The following KIF21A variants were observed in gnomAD, a reference collection of about 807,000 sequenced individuals.
KIF21A encodes the protein kinesin family member 21A.
Under a neutral mutation model 202.9 loss-of-function variants are expected in KIF21A, and 114 were observed. The observed-to-expected ratio is 0.56, with a 90% CI of 0.48 to 0.66. KIF21A has a LOEUF of 0.66. Ranked by LOEUF, KIF21A falls within the 30% of genes least tolerant of loss-of-function variation. The probability of loss-of-function intolerance (pLI) is 0.00; values close to 1 mark genes in which losing one functional copy is unlikely to be tolerated. For synonymous variants in KIF21A, 667 were observed against 670.8 expected (o/e 0.99, Z 0.09); for missense variants, 1,677 against 1,994.9 (o/e 0.84, Z 3.04).
intron 1 of KIF21A, among the ~76,000 whole-genome samples, chr12:39,438,348 C>T (rs1939103370): frequency 2.0e-5 from 3 of 152,094 alleles, no homozygotes; most frequent in African/African-American, 7.2e-5. Context: ...ATCATTAGTG[C>T]CTGCAGTTTG....
intron 1 of KIF21A, among the ~76,000 whole-genome samples, chr12:39,423,676 C>T (rs1954499483): frequency 6.6e-6 from 1 of 151,836 alleles, no homozygotes; most frequent in Non-Finnish European, 1.5e-5. Context: ...TGGAGAAACC[C>T]CGTCTCTACT....
intron 7 of KIF21A, among the ~76,000 whole-genome samples, chr12:39,360,336 C>T (rs1208220072): frequency 6.6e-6 from 1 of 151,742 alleles, no homozygotes; most frequent in East Asian, 1.9e-4. Flanking sequence ...TTATACTACA[C>T]ATCTTGAAAA....
intron 1 of KIF21A, among the ~76,000 whole-genome samples, chr12:39,379,009 T>C (rs1950438681): frequency 1.3e-5 from 2 of 151,998 alleles, no homozygotes; most frequent in Admixed American, 6.6e-5. Context: ...TATGACACAG[T>C]CCTTAGGGGC....
intron 34 of KIF21A, 139 bp from the exon 35 acceptor site, chr12:39,305,077 G>A: frequency 3.4e-6 from 2 of 595,724 alleles, no homozygotes; most frequent in Non-Finnish European, 6.1e-6. Context: ...TTAGAGATGG[G>A]ATCTTGGGCC....
chr12:39,321,537 A>G (rs1168826365), intron 27 of KIF21A: 3 of 152,248 alleles, frequency 2.0e-5, no homozygotes, highest in Non-Finnish European at 2.9e-5. Context: ...TATTCTGGTT[A>G]GCAATCTCTA....
At chr12:39,376,111 C>A (rs762026775) in intron 1 of KIF21A, among the ~76,000 whole-genome samples, 12 of 152,030 alleles carry the variant, frequency 7.9e-5, no homozygotes, top group African/African-American at 7.2e-5. Context: ...CGTTTGGATA[C>A]CTTGAGTCCC....
rs752369630 is a variant in KIF21A, at chr12:39,315,223, G to A, written c.3959+6C>T. 1.9e-6 allele frequency: 3 copies of A among 1,611,508 alleles called. No homozygotes were observed. The African/African-American group carries it at 4.0e-5, about 22-fold the overall frequency. On this transcript the variant is annotated splice_donor_region_variant and intron_variant, in intron 31 of 37. Coordinates refer to ENST00000361418, the MANE Select transcript of KIF21A (RefSeq NM_001173464.2). Reference sequence around the variant, plus strand: ...AAATTAATTTCCTCTCCCTTCCCCTGCCTACCTTCTGGAGGATCTGCTGAT... The same window carrying A: ...AAATTAATTTCCTCTCCCTTCCCCTACCTACCTTCTGGAGGATCTGCTGAT...
At chr12:39,428,969 A>C (rs1954979030) in intron 1 of KIF21A, among the ~76,000 whole-genome samples, 1 of 152,098 alleles carries the variant, frequency 6.6e-6, no homozygotes, top group African/African-American at 2.4e-5. Flanking sequence ...AAAAAAAAAA[A>C]AAAGGACTTC....
At chr12:39,409,516 AT>A (rs1952902559) in intron 1 of KIF21A, among the ~76,000 whole-genome samples, 1 of 147,358 alleles carries the variant, frequency 6.8e-6, no homozygotes, top group Non-Finnish European at 1.5e-5. Flanking sequence ...AAGTGAGACC[AT>A]GTCTCAGAAA....
Position 39,362,480 on chromosome 12 carries a change from G to A in KIF21A, c.1019+618C>T, listed in dbSNP as rs146629888. 2.6e-5 allele frequency among the ~76,000 whole-genome samples: 4 copies of A among 151,994 alleles called. No individual in the cohort carries two copies. The East Asian group carries it at 7.7e-4, about 29-fold the overall frequency. On this transcript the variant is annotated intron_variant, in intron 7 of 37. Transcript: ENST00000361418. ...CATTTGTAAAGCCAACATATTTACA[G>A]AGGGGAATACATTACCATAAAAAAA...
rs1458182449 is a variant in KIF21A at position 39,333,092 on chromosome 12, G to A, written c.2503C>T (p.Arg835Trp). Reference protein sequence around the residue: ...RKTEEVTALRRQVRPMSDKVA... With the variant: ...RKTEEVTALRWQVRPMSDKVA... ...TTATCTGACATGGGTCTTACTTGCC[G>A]ACGAAGAGCCGTAACCTGAAATTGC... is the stretch of plus-strand genomic sequence containing the variant. Residue 835 changes from arginine to tryptophan, a missense_variant, in exon 19 of 38, where the codon CGG becomes TGG. Transcript: ENST00000361418. 48 of 1,613,764 alleles carry A rather than the reference G, an allele frequency of 3.0e-5. No individual in the cohort carries two copies. Among genetic ancestry groups the A allele is most frequent in the Non-Finnish European group, 4.0e-5 (47 of 1,179,964 alleles).
intron 1 of KIF21A, among the ~76,000 whole-genome samples, chr12:39,439,765 T>C (rs545284166): frequency 6.6e-6 from 1 of 152,314 alleles, no homozygotes; most frequent in East Asian, 1.9e-4. Context: ...ACATCTCAAA[T>C]ATACTGTAAA....
chr12:39,373,744 A>G (rs1157427531), intron 1 of KIF21A, among the ~76,000 whole-genome samples: 1 of 152,216 alleles, frequency 6.6e-6, no homozygotes, highest in Non-Finnish European at 1.5e-5. Context: ...CAGATACGAT[A>G]GCCAATTTTA....
intron 1 of KIF21A, among the ~76,000 whole-genome samples, chr12:39,431,978 G>A (rs913819871): frequency 2.0e-5 from 3 of 152,206 alleles, no homozygotes; most frequent in Non-Finnish European, 4.4e-5. Flanking sequence ...CAAATAACCA[G>A]GAATGAAATC....
chr12:39,368,047 T>C lies in KIF21A; in HGVS notation c.451-15A>G, dbSNP rs1403664214. On this transcript the variant is annotated splice_polypyrimidine_tract_variant and intron_variant, in intron 3 of 37. Transcript: ENST00000361418. ...TCATTATAGAGCTATCAAAAAAATA[T>C]TAGAAATCTAATTTTAGCAGAAATT... 1.3e-6 allele frequency: 2 copies of C among 1,523,166 alleles called. No individual in the cohort carries two copies. Among genetic ancestry groups the C allele is most frequent in the African/African-American group, 1.4e-5 (1 of 73,032 alleles). 94.4% of individuals were successfully genotyped at this position (1,523,166 alleles called of 1,614,324 possible).
At chr12:39,436,411 G>A (rs1938695653) in intron 1 of KIF21A, among the ~76,000 whole-genome samples, 1 of 102,584 alleles carries the variant, frequency 9.7e-6, no homozygotes, top group Admixed American at 1.0e-4. Flanking sequence ...TAATTATAAG[G>A]GTTTACTATA....
At chr12:39,307,471 G>A in intron 34 of KIF21A, 94 bp downstream of exon 34, 1 of 1,118,930 alleles carries the variant, frequency 8.9e-7, no homozygotes, top group Non-Finnish European at 1.4e-6. Context: ...AACTTCTGGG[G>A]TCATAAAAAT....
chr12:39,317,798 CA>C (rs1294018050), intron 29 of KIF21A, among the ~76,000 whole-genome samples: 2 of 152,164 alleles, frequency 1.3e-5, no homozygotes, highest in East Asian at 3.8e-4. Flanking sequence ...AAAGATTTTT[CA>C]GTTCTAATTT....
intron 10 of KIF21A, among the ~76,000 whole-genome samples, chr12:39,354,215 T>C (rs559180130): frequency 1.3e-5 from 2 of 152,222 alleles, no homozygotes; most frequent in East Asian, 3.9e-4. Context: ...CAGCACAGAG[T>C]TAAATAAGTG....
Sources: allele counts gnomAD v4.1 joint callset (sites outside exome capture counted in the v4.1 genomes callset), GRCh38; gene constraint gnomAD v4.1.1; transcripts MANE v1.5; gene names NCBI Gene and HGNC (gene_info 2026-07-23, HGNC 2026-07-21).